The following ITPKB variants were observed in gnomAD, a reference collection of about 807,000 sequenced individuals.
ITPKB encodes the protein IP3 3-kinase B.
ITPKB carries 13 observed loss-of-function variants against 69.4 expected under a neutral mutation model. The observed-to-expected ratio is 0.19, with a 90% CI of 0.12 to 0.30. ITPKB has a LOEUF of 0.30. Among genes scored for constraint, ITPKB ranks in the 10% least tolerant of loss-of-function variants. The pLI, the probability that ITPKB is intolerant of heterozygous loss-of-function variation, is 1.00. For missense variants in ITPKB, 1,240 were observed against 1,250.5 expected (o/e 0.99, Z 0.13); for synonymous variants, 584 against 513.7 (o/e 1.14, Z -1.85).
chr1:226,701,386 C>T (rs1339018977), intron 2 of ITPKB, among the ~76,000 whole-genome samples: 1 of 151,918 alleles, frequency 6.6e-6, no homozygotes, highest in African/African-American at 2.4e-5. Flanking sequence ...AGGCGGATCA[C>T]GAGGTCAGGA....
chr1:226,653,906 C>T (rs1428467439), intron 2 of ITPKB, among the ~76,000 whole-genome samples: 5 of 152,210 alleles, frequency 3.3e-5, no homozygotes, highest in Non-Finnish European at 5.9e-5. Flanking sequence ...TGCTCCTCTG[C>T]AGGCAGGGTG....
chr1:226,686,942 T>G (rs1160171072), intron 2 of ITPKB, among the ~76,000 whole-genome samples: 3 of 152,128 alleles, frequency 2.0e-5, no homozygotes, highest in Admixed American at 2.0e-4. Context: ...GATTTGACTG[T>G]GCTGTGACAA....
intron 2 of ITPKB, among the ~76,000 whole-genome samples, chr1:226,691,467 C>A (rs1656351038): frequency 6.6e-6 from 1 of 152,104 alleles, no homozygotes; most frequent in African/African-American, 2.4e-5. Flanking sequence ...GAAAATCCCC[C>A]AAATGCAGCA....
intron 2 of ITPKB, among the ~76,000 whole-genome samples, chr1:226,663,814 G>A (rs747672589): frequency 1.3e-5 from 2 of 152,186 alleles, no homozygotes; most frequent in African/African-American, 2.4e-5. Flanking sequence ...GATTACAGGC[G>A]TGAGCCACCA....
rs993329547 is a variant in ITPKB at position 226,642,746 on chromosome 1, T to C, written c.2247-621A>G. 1.3e-4 allele frequency among the ~76,000 whole-genome samples: 19 copies of C among 151,914 alleles called. No homozygotes were observed. Among genetic ancestry groups the C allele is most frequent in the Non-Finnish European group, 2.8e-4 (19 of 67,968 alleles). On this transcript the variant is annotated intron_variant, in intron 4 of 7. Coordinates refer to ENST00000429204, the MANE Select transcript of ITPKB (RefSeq NM_002221.4). This position sits in a 1 kb window ranked among gnomAD's most constrained non-coding sequence, Gnocchi z 6.4. ...AGATCCCCTTGGCTGCCTCGGCCCTTCCATAAAGCGAGGGCTTCCAAAGCC... is the reference window on the plus strand; with the variant it reads ...AGATCCCCTTGGCTGCCTCGGCCCTCCCATAAAGCGAGGGCTTCCAAAGCC...
At chr1:226,650,089 C>A (rs1319607344) in intron 2 of ITPKB, among the ~76,000 whole-genome samples, 1 of 152,300 alleles carries the variant, frequency 6.6e-6, no homozygotes, top group South Asian at 2.1e-4. Context: ...GACAGGGGGA[C>A]ACACTGAAGA....
intron 2 of ITPKB, chr1:226,707,449 G>T: frequency 2.6e-6 from 2 of 756,960 alleles, no homozygotes; most frequent in Non-Finnish European, 3.2e-6. Context: ...CGCCCGCCTT[G>T]GCCTCCTAAA....
At chr1:226,711,126 A>G (rs1030239757) in intron 2 of ITPKB, among the ~76,000 whole-genome samples, 1 of 152,212 alleles carries the variant, frequency 6.6e-6, no homozygotes, top group African/African-American at 2.4e-5. Flanking sequence ...CAAAATGCAC[A>G]AGATTCTCCA....
chr1:226,649,423 G>A (rs1181261155), intron 2 of ITPKB, among the ~76,000 whole-genome samples: 2 of 127,224 alleles, frequency 1.6e-5, no homozygotes, highest in African/African-American at 6.2e-5. Context: ...ATATGTGCAT[G>A]AGTGTGTGCG....
intron 2 of ITPKB, among the ~76,000 whole-genome samples, chr1:226,675,697 G>A (rs1669717525): frequency 6.6e-6 from 1 of 152,138 alleles, no homozygotes; most frequent in Non-Finnish European, 1.5e-5. Context: ...ATTGTTTACT[G>A]CTCTGCTCAC....
At chr1:226,671,312 C>T (rs1294108059) in intron 2 of ITPKB, among the ~76,000 whole-genome samples, 1 of 152,182 alleles carries the variant, frequency 6.6e-6, no homozygotes, top group African/African-American at 2.4e-5. Flanking sequence ...AACCCTTCCA[C>T]AAAGAACAGA....
intron 2 of ITPKB, among the ~76,000 whole-genome samples, chr1:226,734,678 G>A (rs1028260530): frequency 3.3e-5 from 5 of 152,166 alleles, no homozygotes; most frequent in Non-Finnish European, 5.9e-5. Flanking sequence ...CTACAAGTTC[G>A]ATTAACCATG....
chr1:226,736,688 C>T lies in ITPKB; in HGVS notation c.771G>A (p.Met257Ile), dbSNP rs548833775. 4.8e-5 allele frequency: 78 copies of T among 1,613,062 alleles called. No homozygotes were observed. In the South Asian group the frequency reaches 8.1e-4, roughly 17 times the overall value. The part of the protein sequence containing the change: ...EAQGPSAFVR[M>I]EKGIPASPRC... ...GGGGACTGGCAGGGATACCCTTCTC[C>T]ATCCTTACAAAAGCGGATGGACCCT... The change falls in exon 2 of 8, where the codon ATG becomes ATA. Residue 257 changes from methionine to isoleucine, a missense_variant. Around this residue, in one of 2 missense-constraint regions of ITPKB, gnomAD observed 992 missense variants for 853.8 expected, o/e 1.16. Coordinates refer to ENST00000429204, the MANE Select transcript of ITPKB (RefSeq NM_002221.4).
At chr1:226,635,668 G>C (rs571133418) in intron 7 of ITPKB, among the ~76,000 whole-genome samples, 46 of 152,316 alleles carry the variant, frequency 3.0e-4, no homozygotes, top group African/African-American at 8.9e-4. Context: ...ATCCCGGGGC[G>C]GGGGTGGTGA....
At chr1:226,716,182 T>C (rs1657090882) in intron 2 of ITPKB, among the ~76,000 whole-genome samples, 1 of 152,204 alleles carries the variant, frequency 6.6e-6, no homozygotes, top group African/African-American at 2.4e-5. Context: ...CGACTTAAAG[T>C]AGTGTGGTTG....
At chr1:226,652,947 T>C (rs1009297041) in intron 2 of ITPKB, among the ~76,000 whole-genome samples, 7 of 152,112 alleles carry the variant, frequency 4.6e-5, no homozygotes, top group African/African-American at 1.7e-4. Flanking sequence ...GGCTGAGTAG[T>C]ACTGTGCAGG....
At chr1:226,712,666 G>A (rs910945319) in intron 2 of ITPKB, among the ~76,000 whole-genome samples, 3 of 152,202 alleles carry the variant, frequency 2.0e-5, no homozygotes, top group Non-Finnish European at 4.4e-5. Flanking sequence ...GTTCAGGCCC[G>A]TCTGTCTGTT....
chr1:226,651,532 C>T (rs956133915), intron 2 of ITPKB, among the ~76,000 whole-genome samples: 2 of 152,128 alleles, frequency 1.3e-5, no homozygotes, highest in African/African-American at 4.8e-5. Context: ...CAGTCCTGTG[C>T]TAGGTGGAGT....
rs11353595 is a variant in ITPKB, at chr1:226,721,348, CAAAAAAAAAAAAAAA to C, written c.1932+14164_1932+14178del. 6.2e-5 allele frequency among the ~76,000 whole-genome samples: 4 copies of C among 64,658 alleles called. No individual in the cohort carries two copies. In the East Asian group the frequency reaches 1.8e-3, roughly 29 times the overall value. 42.4% of individuals were successfully genotyped at this position (64,658 alleles called of 152,430 possible). A position where few individuals can be genotyped will look rare whatever the true frequency, so the allele number is the denominator to read the frequency against. The stretch of plus-strand genomic sequence containing the variant: ...GGGCAACAAGAACAAAACTCTGTCT[CAAAAAAAAAAAAAAA>C]AAAAAAGAAATAAAAGAAATATTGA... On this transcript the variant is annotated intron_variant, in intron 2 of 7. Coordinates refer to ENST00000429204, the MANE Select transcript of ITPKB (RefSeq NM_002221.4).
Sources: gnomAD v4.1 joint callset for allele counts (sites outside exome capture counted in the v4.1 genomes callset) on GRCh38, gnomAD v4.1.1 for gene constraint, gnomAD v4.1.1 regional missense constraint, Gnocchi (gnomAD v3.1) non-coding constraint, MANE v1.5 for transcripts, NCBI Gene and HGNC (gene_info 2026-07-23, HGNC 2026-07-21) for gene names.